The following DLGAP1 variants were observed in gnomAD, a reference collection of about 807,000 sequenced individuals.
The protein encoded by DLGAP1 is disks large-associated protein 1.
A neutral mutation model predicts 90.8 loss-of-function variants in DLGAP1; 11 were observed. The observed-to-expected ratio is 0.12, with a 90% CI of 0.08 to 0.20. The LOEUF is 0.20. Among genes scored for constraint, DLGAP1 ranks in the 10% least tolerant of loss-of-function variants. The pLI is 1.00. For synonymous variants in DLGAP1, 558 were observed against 540.7 expected, an observed-to-expected ratio of 1.03 and a Z score of -0.44; for missense variants, 1,050 against 1,333.8, an observed-to-expected ratio of 0.79 and a Z score of 3.31.
intron 7 of DLGAP1, among the ~76,000 whole-genome samples, chr18:3,694,290 A>G (rs1480548946): frequency 1.3e-5 from 2 of 152,058 alleles, no homozygotes; most frequent in Non-Finnish European, 2.9e-5. Context: ...TCTATCATTG[A>G]TGGGCATTTG....
chr18:4,167,747 G>A (rs982019393), intron 1 of DLGAP1, among the ~76,000 whole-genome samples: 1 of 152,148 alleles, frequency 6.6e-6, no homozygotes, highest in Non-Finnish European at 1.5e-5. Flanking sequence ...TTTCAGCGAT[G>A]TTGCTGGATA....
intron 1 of DLGAP1, among the ~76,000 whole-genome samples, chr18:4,422,583 C>A (rs2083065067): frequency 6.6e-6 from 1 of 151,612 alleles, no homozygotes. Flanking sequence ...TCAGACATTT[C>A]AATGTAATTT....
chr18:3,617,143 G>C (rs1351785196), intron 7 of DLGAP1, among the ~76,000 whole-genome samples: 1 of 152,186 alleles, frequency 6.6e-6, no homozygotes, highest in African/African-American at 2.4e-5. Context: ...CCCAGAGACT[G>C]AGAAGTGATG....
chr18:3,902,536 A>T (rs1280875162), intron 3 of DLGAP1, among the ~76,000 whole-genome samples: 1 of 152,154 alleles, frequency 6.6e-6, no homozygotes, highest in Non-Finnish European at 1.5e-5. Context: ...TTCAATTTCT[A>T]TAAGTTTCAC....
intron 3 of DLGAP1, among the ~76,000 whole-genome samples, chr18:3,999,711 A>C (rs535029728): frequency 1.9e-3 from 37 of 19,432 alleles, no homozygotes; most frequent in African/African-American, 6.8e-3. Flanking sequence ...TCGCTTACAA[A>C]TTATTGGGGG....
At chr18:3,659,934 T>G (rs2059631093) in intron 7 of DLGAP1, among the ~76,000 whole-genome samples, 1 of 152,152 alleles carries the variant, frequency 6.6e-6, no homozygotes, top group African/African-American at 2.4e-5. Context: ...GCCACATGGT[T>G]TCTTTCTGTG....
At chr18:4,179,627 T>G (rs6506189) in intron 1 of DLGAP1, among the ~76,000 whole-genome samples, 62,091 of 151,932 alleles carry the variant, frequency 0.41, 13,199 homozygotes, top group East Asian at 0.69. Context: ...AAGTATGTTA[T>G]CCTAGACTCT....
intron 1 of DLGAP1, among the ~76,000 whole-genome samples, chr18:4,392,023 G>A (rs539274524): frequency 5.9e-5 from 9 of 152,332 alleles, no homozygotes; most frequent in African/African-American, 1.7e-4. Context: ...CCCTTAAAAG[G>A]AGAAATTCAA....
At chr18:3,576,282 C>G (rs1335931393) in intron 8 of DLGAP1, among the ~76,000 whole-genome samples, 1 of 148,148 alleles carries the variant, frequency 6.8e-6, no homozygotes, top group Non-Finnish European at 1.5e-5. Flanking sequence ...TTTTTTGAGA[C>G]GGAGTCTTGC....
intron 2 of DLGAP1, among the ~76,000 whole-genome samples, chr18:4,070,749 C>T (rs9962468): frequency 0.25 from 38,094 of 151,774 alleles, 5,941 homozygotes; most frequent in East Asian, 0.64. Context: ...TAATCATAAA[C>T]GTAAACAAGA....
At chr18:4,393,743 T>C (rs964406982) in intron 1 of DLGAP1, among the ~76,000 whole-genome samples, 1 of 152,156 alleles carries the variant, frequency 6.6e-6, no homozygotes, top group African/African-American at 2.4e-5. Context: ...CAGGGACTGG[T>C]TTCATGGAAG....
At chr18:4,414,770 T>G (rs2082855383) in intron 1 of DLGAP1, among the ~76,000 whole-genome samples, 1 of 151,624 alleles carries the variant, frequency 6.6e-6, no homozygotes, top group Non-Finnish European at 1.5e-5. Flanking sequence ...ATATAGAGAC[T>G]ACATTCTCTC....
intron 10 of DLGAP1, among the ~76,000 whole-genome samples, chr18:3,515,478 A>AT: frequency 7.7e-6 from 1 of 129,800 alleles, no homozygotes; most frequent in African/African-American, 2.9e-5. Flanking sequence ...CAAAAAAAAA[A>AT]AAAAAAAATT....
At chr18:4,299,424 C>T (rs1329145977) in intron 1 of DLGAP1, among the ~76,000 whole-genome samples, 3 of 152,152 alleles carry the variant, frequency 2.0e-5, no homozygotes, top group African/African-American at 4.8e-5. Context: ...AAACTCTGCA[C>T]TCACAACCAT....
At chr18:3,824,248 T>C (rs1302873537) in intron 4 of DLGAP1, among the ~76,000 whole-genome samples, 4 of 152,156 alleles carry the variant, frequency 2.6e-5, no homozygotes, top group Non-Finnish European at 5.9e-5. Flanking sequence ...AACTAGAATT[T>C]TGTGTCTGGT....
intron 9 of DLGAP1, among the ~76,000 whole-genome samples, chr18:3,539,277 C>T (rs577770148): frequency 2.8e-4 from 43 of 152,202 alleles, no homozygotes; most frequent in Middle Eastern, 3.2e-3. Flanking sequence ...TTGATCAGTT[C>T]CTCGTTGATG....
intron 12 of DLGAP1, among the ~76,000 whole-genome samples, chr18:3,501,072 G>A (rs1046200454): frequency 1.3e-5 from 2 of 151,750 alleles, no homozygotes; most frequent in African/African-American, 4.8e-5. Context: ...GTACCACCAC[G>A]CCCAGCTAAT....
intron 1 of DLGAP1, among the ~76,000 whole-genome samples, chr18:4,420,546 G>C (rs1337013900): frequency 6.6e-6 from 1 of 151,712 alleles, no homozygotes; most frequent in Non-Finnish European, 1.5e-5. Flanking sequence ...TCAGTCAATG[G>C]GTCCCTGAGC....
intron 3 of DLGAP1, among the ~76,000 whole-genome samples, chr18:3,952,417 T>C (rs575147201): frequency 6.6e-6 from 1 of 152,322 alleles, no homozygotes; most frequent in East Asian, 1.9e-4. Flanking sequence ...CTTCACACTA[T>C]TGACCACTCC....
Sources: gnomAD v4.1 joint callset for allele counts (sites outside exome capture counted in the v4.1 genomes callset) on GRCh38, gnomAD v4.1.1 for gene constraint, MANE v1.5 for transcripts, NCBI Gene and HGNC (gene_info 2026-07-23, HGNC 2026-07-21) for gene names.